Variants in GALK2 observed in about 807,000 individuals in gnomAD.
The protein encoded by GALK2 is N-acetylgalactosamine kinase.
A neutral mutation model predicts 52.4 loss-of-function variants in GALK2; 36 were observed. The ratio of observed to expected loss-of-function variants is 0.69; its 90% CI spans 0.53 to 0.91. The LOEUF is 0.91. Among genes scored for constraint, GALK2 ranks in the 40% least tolerant of loss-of-function variants. The pLI, the probability that GALK2 is intolerant of heterozygous loss-of-function variation, is 0.00. For missense variants in GALK2, 579 were observed against 559.1 expected (o/e 1.04, Z -0.36); for synonymous variants, 176 against 199.1 (o/e 0.88, Z 0.98).
chr15:49,217,342 G>T (rs1008486904), intron 3 of GALK2, 29 bp downstream of exon 3: 1 of 1,609,922 alleles, frequency 6.2e-7, no homozygotes, highest in Non-Finnish European at 8.5e-7. Flanking sequence ...TAGTGTGTGT[G>T]TATGTATGGT....
rs192002518 is a variant in GALK2 at position 49,188,410 on chromosome 15, A to C, written c.54-12752A>C. Among the ~76,000 whole-genome samples, 13 of 152,284 alleles carry C rather than the reference A, an allele frequency of 8.5e-5. No individual in the cohort carries two copies. The East Asian group carries it at 2.5e-3, about 29-fold the overall frequency. On this transcript the variant is annotated intron_variant, in intron 1 of 9. Coordinates refer to ENST00000560031, the MANE Select transcript of GALK2 (RefSeq NM_002044.4). Reference sequence around the variant, plus strand: ...TTACTTTCTACTGTTACAAGACAGCACTGAATTCCAAAGCAAAGCCCCATA... The same window carrying C: ...TTACTTTCTACTGTTACAAGACAGCCCTGAATTCCAAAGCAAAGCCCCATA...
At chr15:49,199,715 G>A (rs1361652074) in intron 1 of GALK2, among the ~76,000 whole-genome samples, 1 of 152,172 alleles carries the variant, frequency 6.6e-6, no homozygotes, top group Non-Finnish European at 1.5e-5. Context: ...GGATGCTGGA[G>A]CTGTTAAGTC....
intron 3 of GALK2, among the ~76,000 whole-genome samples, chr15:49,348,527 G>A (rs1450760584): frequency 6.6e-6 from 1 of 152,122 alleles, no homozygotes; most frequent in Non-Finnish European, 1.5e-5. Context: ...CTAGAATATA[G>A]GTTTCTACTT....
upstream of GALK2, among the ~76,000 whole-genome samples, chr15:49,166,287 T>A (rs545063482): frequency 2.6e-4 from 39 of 152,276 alleles, no homozygotes; most frequent in Non-Finnish European, 4.4e-4. Flanking sequence ...TGCAAAACAA[T>A]CTATGTTCGG....
In GALK2 at chr15:49,316,704, A is replaced by C. The variant is rs989692275; in HGVS notation, c.968-2900A>C. On this transcript the variant is annotated intron_variant, in intron 8 of 9. Coordinates refer to ENST00000560031, the MANE Select transcript of GALK2 (RefSeq NM_002044.4). ...AGAAATGTAAAAGTGCTTCAGAAAAAGTAATCATAGTTTAGGGGAGAGGAA... is the reference window on the plus strand; with the variant it reads ...AGAAATGTAAAAGTGCTTCAGAAAACGTAATCATAGTTTAGGGGAGAGGAA... 2.6e-5 allele frequency among the ~76,000 whole-genome samples: 4 copies of C among 152,242 alleles called. No homozygotes were observed. In the East Asian group the frequency reaches 7.7e-4, roughly 29 times the overall value.
chr15:49,332,464 T>C (rs1052261133), downstream of GALK2, among the ~76,000 whole-genome samples: 1 of 152,156 alleles, frequency 6.6e-6, no homozygotes, highest in Non-Finnish European at 1.5e-5. Flanking sequence ...CAAGTATTCA[T>C]TCAAGAAATA....
At chr15:49,203,340 C>G (rs1289673426) in intron 2 of GALK2, among the ~76,000 whole-genome samples, 5 of 151,758 alleles carry the variant, frequency 3.3e-5, no homozygotes. Context: ...TGTGAGCCAC[C>G]ACACCGAGAC....
intron 3 of GALK2, among the ~76,000 whole-genome samples, chr15:49,219,840 G>T (rs1206869310): frequency 6.6e-6 from 1 of 152,024 alleles, no homozygotes; most frequent in Non-Finnish European, 1.5e-5. Context: ...GCTTGCCAAA[G>T]TTGTATAATT....
rs949065925 is a variant in GALK2 at position 49,330,482 on chromosome 15, G to A, written c.*2323G>A. 3.3e-5 allele frequency: 5 copies of A among 152,284 alleles called. No individual in the cohort carries two copies. The South Asian group carries it at 1.0e-3, about 32-fold the overall frequency. The allele number at this position is 152,284 out of a possible 1,614,324, so 9.4% of individuals were successfully genotyped here. A position where few individuals can be genotyped will look rare whatever the true frequency, so the allele number is the denominator to read the frequency against. ...TGGATTACTGAGTGGTGGAATATCTGATACTACTTGTCCAACATTTCTACA... is the reference window on the plus strand; with the variant it reads ...TGGATTACTGAGTGGTGGAATATCTAATACTACTTGTCCAACATTTCTACA... On this transcript the variant is annotated 3_prime_UTR_variant, in exon 10 of 10. Transcript: ENST00000560031.
chr15:49,195,225 C>T (rs987929323), intron 1 of GALK2: 2 of 368,102 alleles, frequency 5.4e-6, no homozygotes, highest in African/African-American at 4.4e-5. Context: ...GTGCGTGCCA[C>T]CATGCTGGGC....
chr15:49,277,773 G>A (rs975415269), intron 5 of GALK2, among the ~76,000 whole-genome samples: 1 of 151,532 alleles, frequency 6.6e-6, no homozygotes, highest in South Asian at 2.1e-4. Flanking sequence ...TCCAGCCTGC[G>A]GACAGAGTGA....
intron 8 of GALK2, among the ~76,000 whole-genome samples, chr15:49,314,285 A>G (rs1473518220): frequency 1.3e-5 from 2 of 152,196 alleles, no homozygotes; most frequent in African/African-American, 4.8e-5. Context: ...TTTGAAACAG[A>G]TTTTGTTTTA....
At chr15:49,215,849 C>T (rs938277972) in intron 2 of GALK2, among the ~76,000 whole-genome samples, 1 of 151,956 alleles carries the variant, frequency 6.6e-6, no homozygotes, top group African/African-American at 2.4e-5. Flanking sequence ...TCTGTGTAGT[C>T]TGGGCTTGTT....
intron 5 of GALK2, among the ~76,000 whole-genome samples, chr15:49,264,206 C>T (rs966682016): frequency 6.6e-6 from 1 of 151,800 alleles, no homozygotes; most frequent in Non-Finnish European, 1.5e-5. Context: ...TTCAGGTACA[C>T]CAATCAGACG....
downstream of GALK2, among the ~76,000 whole-genome samples, chr15:49,334,608 C>T (rs2039377589): frequency 1.3e-5 from 2 of 151,916 alleles, no homozygotes; most frequent in Admixed American, 1.3e-4. Flanking sequence ...TGTGTGTGGA[C>T]GTACACATGC....
intron 5 of GALK2, among the ~76,000 whole-genome samples, chr15:49,271,371 T>C (rs2030577317): frequency 1.3e-5 from 2 of 152,118 alleles, no homozygotes; most frequent in Admixed American, 1.3e-4. Context: ...TCCCTCCAAC[T>C]CCCACCCTGT....
chr15:49,204,638 A>G (rs1298866938), intron 2 of GALK2, among the ~76,000 whole-genome samples: 1 of 151,968 alleles, frequency 6.6e-6, no homozygotes, highest in Admixed American at 6.6e-5. Context: ...GTAGTCTGTT[A>G]TTGGTGTATA....
At chr15:49,163,288 G>A (rs894161807) in intron 1 of GALK2, among the ~76,000 whole-genome samples, 8 of 152,046 alleles carry the variant, frequency 5.3e-5, no homozygotes, top group Non-Finnish European at 7.4e-5. Flanking sequence ...TATCTTCTTT[G>A]GTGAAATGTT....
chr15:49,165,145 A>C lies in GALK2; in HGVS notation c.20+9129A>C, dbSNP rs574089667. On this transcript the variant is annotated intron_variant, in intron 1 of 9. Transcript: ENST00000327171. ...GTTAAATGAATGAATGAATGATAGA[A>C]TAATGGATGAAACATGGAATATGAA... 3.9e-5 allele frequency among the ~76,000 whole-genome samples: 6 copies of C among 152,372 alleles called. No homozygotes were observed. In the East Asian group the frequency reaches 1.2e-3, roughly 29 times the overall value.
Sources: allele counts gnomAD v4.1 joint callset (sites outside exome capture counted in the v4.1 genomes callset), GRCh38; gene constraint gnomAD v4.1.1; transcripts MANE v1.5; gene names NCBI Gene and HGNC (gene_info 2026-07-23, HGNC 2026-07-21).